VTI1A: variants seen among roughly 807,000 people sequenced by gnomAD.
The protein encoded by VTI1A is vesicle transport through interaction with t-SNAREs 1A.
A neutral mutation model predicts 34.9 loss-of-function variants in VTI1A; 22 were observed. The observed-to-expected ratio is 0.63, with a 90% CI of 0.45 to 0.90. The LOEUF (loss-of-function observed/expected upper bound fraction) is 0.90. VTI1A is among the 40% of genes least tolerant of loss of function. The probability of loss-of-function intolerance (pLI) is 0.00; values close to 1 mark genes in which losing one functional copy is unlikely to be tolerated. For missense variants in VTI1A, 268 were observed against 275.6 expected (o/e 0.97, Z 0.20); for synonymous variants, 87 against 97.3 (o/e 0.89, Z 0.62).
intron 7 of VTI1A, among the ~76,000 whole-genome samples, chr10:112,740,821 G>GTATCTGTA (rs2133975927): frequency 6.6e-6 from 1 of 152,192 alleles, no homozygotes; most frequent in African/African-American, 2.4e-5. Flanking sequence ...CCATTACTAG[G>GTATCTGTA]TATCTGTATC....
chr10:112,762,926 G>C (rs188777661), intron 7 of VTI1A, among the ~76,000 whole-genome samples: 5 of 152,164 alleles, frequency 3.3e-5, no homozygotes, highest in Admixed American at 3.3e-4. Context: ...AAAGATCTGG[G>C]CCAATGCTAG....
At chr10:112,463,037 G>T (rs1009239686) in intron 2 of VTI1A, among the ~76,000 whole-genome samples, 1 of 152,060 alleles carries the variant, frequency 6.6e-6, no homozygotes, top group Admixed American at 6.6e-5. Flanking sequence ...CAATTCTCCT[G>T]TCTCAGCCTC....
At position 112,482,047 on chromosome 10, in the gene VTI1A, A is replaced by C. The variant is rs1429839232; in HGVS notation, c.264+17390A>C. On this transcript the variant is annotated intron_variant, in intron 3 of 7. Coordinates refer to ENST00000393077, the MANE Select transcript of VTI1A (RefSeq NM_145206.4). ...AATGATCATCATATCAAGGGATAGA[A>C]TTTTTAATTAGGAAATTACTTTTAA... Among the ~76,000 whole-genome samples the C allele has an allele frequency of 2.0e-5, 3 of 152,234 alleles. No homozygotes were observed. In the East Asian group the frequency reaches 5.8e-4, roughly 29 times the overall value.
At chr10:112,620,129 G>T (rs1845673058) in intron 5 of VTI1A, among the ~76,000 whole-genome samples, 1 of 152,224 alleles carries the variant, frequency 6.6e-6, no homozygotes, top group Non-Finnish European at 1.5e-5. Flanking sequence ...TTAACAGTGT[G>T]TGTTGTTCCT....
rs140995943 is a variant in VTI1A, at chr10:112,813,910, G to A, written c.561-1380G>A. On this transcript the variant is annotated intron_variant, in intron 7 of 7. Coordinates refer to ENST00000393077, the MANE Select transcript of VTI1A (RefSeq NM_145206.4). ...GCACTAAGGCAGTTTTGCGGAAGAC[G>A]TGTCAGCAAATGTGATCATTTTGTT... 1.1e-3 allele frequency among the ~76,000 whole-genome samples: 169 copies of A among 152,318 alleles called. 1 individual carries two copies. The highest frequency in any genetic ancestry group is 3.8e-3 in the African/African-American group (157 of 41,562).
chr10:112,492,244 C>T (rs1848851398), intron 3 of VTI1A, among the ~76,000 whole-genome samples: 1 of 152,162 alleles, frequency 6.6e-6, no homozygotes, highest in African/African-American at 2.4e-5. Context: ...TGTTGTCACT[C>T]AGTAAACCAT....
intron 3 of VTI1A, among the ~76,000 whole-genome samples, chr10:112,468,571 A>G (rs373588341): frequency 3.3e-5 from 5 of 152,110 alleles, no homozygotes; most frequent in African/African-American, 9.7e-5. Context: ...GGACAACTCA[A>G]TACTGTTTTC....
intron 5 of VTI1A, among the ~76,000 whole-genome samples, chr10:112,553,387 C>G (rs559869688): frequency 1.2e-4 from 19 of 152,276 alleles, no homozygotes; most frequent in Middle Eastern, 3.4e-3. Flanking sequence ...GGAGGTTGTC[C>G]TGAGAGATAA....
chr10:112,850,083 A>T, the VTI1A span, among the ~76,000 whole-genome samples: 1 of 152,206 alleles, frequency 6.6e-6, no homozygotes, highest in Admixed American at 6.5e-5. Context: ...AATCCATTTT[A>T]TAAAGAGTTG....
intron 5 of VTI1A, chr10:112,548,860 G>A: frequency 7.0e-7 from 1 of 1,428,754 alleles, no homozygotes; most frequent in Non-Finnish European, 9.5e-7. Flanking sequence ...CTTTTTACCG[G>A]AACGGTGATC....
chr10:112,518,672 C>T (rs1311162579), intron 3 of VTI1A, among the ~76,000 whole-genome samples: 4 of 146,510 alleles, frequency 2.7e-5, no homozygotes, highest in Non-Finnish European at 6.0e-5. Flanking sequence ...TATATATACA[C>T]ACACACACAC....
chr10:112,527,826 C>T (rs530798621), intron 4 of VTI1A, among the ~76,000 whole-genome samples: 38 of 152,112 alleles, frequency 2.5e-4, no homozygotes, highest in Middle Eastern at 3.4e-3. Flanking sequence ...ACTTGGCTGT[C>T]GGTTCTCATT....
chr10:112,827,966 A>T, the VTI1A span, among the ~76,000 whole-genome samples: 1 of 152,150 alleles, frequency 6.6e-6, no homozygotes, highest in South Asian at 2.1e-4. Context: ...GCAATCACAG[A>T]CTTGGATCTG....
chr10:112,590,746 C>T (rs958683580), intron 5 of VTI1A, among the ~76,000 whole-genome samples: 10 of 151,844 alleles, frequency 6.6e-5, no homozygotes, highest in East Asian at 3.9e-4. Context: ...AGATTGGAAA[C>T]GAGAACAGAA....
intron 5 of VTI1A, among the ~76,000 whole-genome samples, chr10:112,622,682 A>G (rs1845779182): frequency 6.6e-6 from 1 of 152,202 alleles, no homozygotes; most frequent in Admixed American, 6.5e-5. Flanking sequence ...TTATTCTTTT[A>G]AGCATTTGGT....
At chr10:112,685,887 C>G (rs1349446097) in intron 7 of VTI1A, among the ~76,000 whole-genome samples, 1 of 152,076 alleles carries the variant, frequency 6.6e-6, no homozygotes, top group East Asian at 1.9e-4. Context: ...GAAAAATGTC[C>G]ACCCCTTATG....
downstream of VTI1A, among the ~76,000 whole-genome samples, chr10:112,823,070 A>G (rs1335273412): frequency 6.6e-6 from 1 of 152,226 alleles, no homozygotes; most frequent in Non-Finnish European, 1.5e-5. Flanking sequence ...CCTGAGATGA[A>G]TGCACCATCA....
the VTI1A span, among the ~76,000 whole-genome samples, chr10:112,854,800 G>T: frequency 6.6e-6 from 1 of 152,136 alleles, no homozygotes; most frequent in Non-Finnish European, 1.5e-5. Flanking sequence ...ATTCACTAGG[G>T]GTCTGCTGGG....
intron 4 of VTI1A, among the ~76,000 whole-genome samples, chr10:112,531,116 C>CGCGCGCAT (rs1554897084): frequency 1.3e-5 from 2 of 149,042 alleles, no homozygotes; most frequent in African/African-American, 4.9e-5. Flanking sequence ...TGCGCACGTG[C>CGCGCGCAT]GCGCGCGCGC....
Sources: allele counts gnomAD v4.1 joint callset (sites outside exome capture counted in the v4.1 genomes callset), GRCh38; gene constraint gnomAD v4.1.1; transcripts MANE v1.5; gene names NCBI Gene and HGNC (gene_info 2026-07-23, HGNC 2026-07-21).